The following ZNF517 variants were observed in gnomAD, a reference collection of about 807,000 sequenced individuals.
The protein encoded by ZNF517 is zinc finger protein 517.
Under a neutral mutation model 12.1 loss-of-function variants are expected in ZNF517, and 12 were observed. The observed-to-expected ratio is 0.99, with a 90% CI of 0.63 to 1.61. ZNF517 has a LOEUF of 1.61. ZNF517 is among the 40% of genes most tolerant of loss of function. The pLI is 0.00. For synonymous variants in ZNF517, 388 were observed against 310.2 expected (o/e 1.25, Z -2.63); for missense variants, 781 against 693.2 (o/e 1.13, Z -1.42).
Position 144,805,821 on chromosome 8 carries a change from C to G in ZNF517, c.275-1370C>G, listed in dbSNP as rs556095943. 1.7e-3 allele frequency among the ~76,000 whole-genome samples: 262 copies of G among 150,590 alleles called. 2 individuals are homozygous for G. The highest frequency in any genetic ancestry group is 3.2e-3 in the South Asian group (15 of 4,750). The stretch of plus-strand genomic sequence containing the variant: ...ATTTTTAATAGAGACGAGGTTTCAC[C>G]ATGTTAGCGAGGATGGTCTCGATCT... On this transcript the variant is annotated intron_variant, in intron 4 of 4. Transcript: ENST00000359971.
Position 144,807,803 on chromosome 8 carries a change from A to C in ZNF517, c.887A>C (p.Lys296Thr). Reference sequence around the variant, plus strand: ...CCCTTCGCGTGCACAGAGTGCGGCAAGGCGTTCTGCCGCAGGTTCACCCTC... The same window carrying C: ...CCCTTCGCGTGCACAGAGTGCGGCACGGCGTTCTGCCGCAGGTTCACCCTC... The part of the protein sequence containing the change: ...EKPFACTECG[K>T]AFCRRFTLNE... The change falls in exon 5 of 5, where the codon AAG (lysine) becomes ACG (threonine). Residue 296 changes from lysine (K) to threonine (T), a missense_variant. By Grantham distance (78) the Lys-to-Thr change is moderately conservative. Transcript: ENST00000359971. 1.2e-6 allele frequency: 2 copies of C among 1,611,180 alleles called. No homozygotes were observed. The highest frequency in any genetic ancestry group is 1.7e-6 in the Non-Finnish European group (2 of 1,179,026).
chr8:144,802,846 A>C, intron 1 of ZNF517, 24 bp from the exon 2 acceptor site: 1 of 1,612,300 alleles, frequency 6.2e-7, no homozygotes, highest in Non-Finnish European at 8.5e-7. Flanking sequence ...GGCTCTTTCC[A>C]CTCATGGCTC....
chr8:144,808,072 C>T lies in ZNF517; in HGVS notation c.1156C>T (p.His386Tyr). 1 of 1,610,074 alleles carries T rather than the reference C, an allele frequency of 6.2e-7. No individual in the cohort carries two copies. Among genetic ancestry groups the T allele is most frequent in the African/African-American group, 1.3e-5 (1 of 74,940 alleles). The change falls in exon 5 of 5, where the codon CAC becomes TAC. Residue 386 changes from histidine to tyrosine, a missense_variant. By Grantham distance (83) the His-to-Tyr change is moderately conservative. Transcript: ENST00000359971. ...CCGACACAACTCCCTGCTGCTGCTG[C>T]ACCTGCGCCTACACACGGGCGAGAA... is the stretch of plus-strand genomic sequence containing the variant. ...PFRHNSLLLLHLRLHTGEKPF... is the reference protein window; with the variant it reads ...PFRHNSLLLLYLRLHTGEKPF...
rs1300368622 is a variant in ZNF517, at chr8:144,809,386, A to C, written c.*991A>C. 3 of 152,144 alleles carry C rather than the reference A, an allele frequency of 2.0e-5. No homozygotes were observed. The highest frequency in any genetic ancestry group is 7.2e-5 in the African/African-American group (3 of 41,430). The allele number at this position is 152,144 out of a possible 1,614,324, so 9.4% of individuals were successfully genotyped here. ...AAGCATTGTTTCTGAGTGTGTGAGG[A>C]TGTTTTCAGTGGACTCAGTGAAGAT... is the stretch of plus-strand genomic sequence containing the variant. On this transcript the variant is annotated 3_prime_UTR_variant, in exon 5 of 5. Transcript: ENST00000359971.
rs201095849 is a variant in ZNF517, at chr8:144,803,706, C to T, written c.99C>T (p.Pro33=). 318 of 1,614,174 alleles carry T rather than the reference C, an allele frequency of 2.0e-4. No individual in the cohort carries two copies. The highest frequency in any genetic ancestry group is 2.5e-4 in the Non-Finnish European group (295 of 1,180,010). Residue 33 remains proline, a synonymous_variant, in exon 3 of 5, where the codon CCC becomes CCT. Transcript: ENST00000359971. The stretch of plus-strand genomic sequence containing the variant: ...GGATAGAGTGGAGTTGCCTGGCCCC[C>T]GACCAGCAGGCACTCTACAGGGACG... ...FTRIEWSCLA[P]DQQALYRDVM... is the part of the protein sequence containing the mutation.
rs1214189436 is a variant in ZNF517, at chr8:144,807,369, C to G, written c.453C>G (p.Pro151=). Residue 151 remains proline (P), a synonymous_variant, in exon 5 of 5, where the codon CCC becomes CCG. Transcript: ENST00000359971. ...ACGGGTCAGATAAACCCACCCACCC[C>G]CGGGCTCGGGAGCACAGCGCCTCCC... The part of the protein sequence containing the change: ...PEDGSDKPTH[P]RAREHSASPR... The G allele has an allele frequency of 6.4e-7, 1 of 1,555,430 alleles. No homozygotes were observed.
At chr8:144,812,190 T>C (rs1827578378), downstream of ZNF517, among the ~76,000 whole-genome samples, 1 of 148,060 alleles carries the variant, frequency 6.8e-6, no homozygotes, top group Non-Finnish European at 1.5e-5. Context: ...AGGTGCAGAC[T>C]GCAGAATGGA....
At position 144,807,357 on chromosome 8, in the gene ZNF517, A is replaced by G. The variant is rs1224961015; in HGVS notation, c.441A>G (p.Lys147=). 1 of 1,554,370 alleles carries G rather than the reference A, an allele frequency of 6.4e-7. No individual in the cohort carries two copies. The highest frequency in any genetic ancestry group is 8.7e-7 in the Non-Finnish European group (1 of 1,148,826). The part of the protein sequence containing the change: ...PHGGPEDGSD[K]PTHPRAREHS... ...GCGGTCCTGAGGACGGGTCAGATAAACCCACCCACCCCCGGGCTCGGGAGC... is the reference window on the plus strand; with the variant it reads ...GCGGTCCTGAGGACGGGTCAGATAAGCCCACCCACCCCCGGGCTCGGGAGC... Residue 147 remains lysine (K), a synonymous_variant, in exon 5 of 5, where the codon AAA becomes AAG. Transcript: ENST00000359971.
At chr8:144,800,975 G>A (rs569407126) in intron 1 of ZNF517, among the ~76,000 whole-genome samples, 1 of 152,236 alleles carries the variant, frequency 6.6e-6, no homozygotes, top group African/African-American at 2.4e-5. Context: ...GATTACAGGT[G>A]CGTACCAGCA....
chr8:144,808,164 G>T lies in ZNF517; in HGVS notation c.1248G>T (p.Lys416Asn), dbSNP rs1476786273. 3 of 1,611,398 alleles carry T rather than the reference G, an allele frequency of 1.9e-6. No homozygotes were observed. The highest frequency in any genetic ancestry group is 2.5e-6 in the Non-Finnish European group (3 of 1,179,076). Residue 416 changes from lysine (K) to asparagine (N), a missense_variant, in exon 5 of 5, where the codon AAG becomes AAT. Transcript: ENST00000359971. ...GRKSNLTLHQ[K>N]IHTKEKPFAC... ...AGTCCAACCTCACTCTGCACCAGAA[G>T]ATCCACACCAAGGAGAAGCCCTTCG...
rs766514576 is a variant in ZNF517 at position 144,808,088 on chromosome 8, C to A, written c.1172C>A (p.Thr391Lys). 10 of 1,611,268 alleles carry A rather than the reference C, an allele frequency of 6.2e-6. No individual in the cohort carries two copies. The Admixed American group carries it at 1.5e-4, about 24-fold the overall frequency. ...CTGCTGCTGCACCTGCGCCTACACA[C>A]GGGCGAGAAGCCGTTCGAGTGCGCG... ...SLLLLHLRLH[T>K]GEKPFECAEC... The change falls in exon 5 of 5, where the codon ACG (threonine) becomes AAG (lysine). Residue 391 changes from threonine to lysine, a missense_variant. Physicochemically the swap from Thr to Lys is moderately conservative, Grantham distance 78. Transcript: ENST00000359971.
At chr8:144,799,598 A>C (rs1278861543) in intron 1 of ZNF517, among the ~76,000 whole-genome samples, 1 of 152,142 alleles carries the variant, frequency 6.6e-6, no homozygotes, top group African/African-American at 2.4e-5. Flanking sequence ...TAAAATTGTG[A>C]GAGTTAGGGG....
downstream of ZNF517, chr8:144,810,305 A>G (rs1464902260): frequency 3.5e-6 from 2 of 570,328 alleles, no homozygotes; most frequent in African/African-American, 1.8e-5. Flanking sequence ...CTGGTGTGTC[A>G]AACTCCATGA....
rs1827458894 is a variant in ZNF517, at chr8:144,809,218, G to A, written c.*823G>A. On this transcript the variant is annotated 3_prime_UTR_variant, in exon 5 of 5. Transcript: ENST00000359971. Reference sequence around the variant, plus strand: ...CTATCTATCTCTTTTTTTGAGGCAGGATCTCTCTGTCAGCCAGCCTGGAGT... The same window carrying A: ...CTATCTATCTCTTTTTTTGAGGCAGAATCTCTCTGTCAGCCAGCCTGGAGT... 1 of 150,936 alleles carries A rather than the reference G, an allele frequency of 6.6e-6. No individual in the cohort carries two copies. Among genetic ancestry groups the A allele is most frequent in the African/African-American group, 2.5e-5 (1 of 40,696 alleles). 9.3% of individuals were successfully genotyped at this position (150,936 alleles called of 1,614,324 possible). A position where few individuals can be genotyped will look rare whatever the true frequency, so the allele number is the denominator to read the frequency against.
Position 144,803,787 on chromosome 8 carries a change from G to T in ZNF517, c.160+20G>T, listed in dbSNP as rs1478717283. 3 of 1,610,340 alleles carry T rather than the reference G, an allele frequency of 1.9e-6. No individual in the cohort carries two copies. The highest frequency in any genetic ancestry group is 1.7e-5 in the Admixed American group (1 of 59,464). ...CACTAGGTGAGGGCTTCTGCCTTTG[G>T]TCCTGGGGCCGGGAGGTGCGTCTGT... On this transcript the variant is annotated intron_variant, in intron 3 of 4. Transcript: ENST00000359971.
downstream of ZNF517, chr8:144,811,042 T>TG (rs1342255314): frequency 6.6e-6 from 1 of 152,260 alleles, no homozygotes; most frequent in Non-Finnish European, 1.5e-5. Flanking sequence ...CGTGAGGCCT[T>TG]GCGCAGGGGC....
At position 144,808,613 on chromosome 8, in the gene ZNF517, C is replaced by T; in HGVS notation, c.*218C>T. 3.7e-6 allele frequency: 2 copies of T among 546,998 alleles called. No individual in the cohort carries two copies. Among genetic ancestry groups the T allele is most frequent in the Non-Finnish European group, 5.7e-6 (2 of 353,638 alleles). 33.9% of individuals were successfully genotyped at this position (546,998 alleles called of 1,614,324 possible). ...TGGCCTCAGGAACCACTATCAGCCA[C>T]CATTTCCTGGGGCCTTCCGGAAATG... On this transcript the variant is annotated 3_prime_UTR_variant, in exon 5 of 5. Transcript: ENST00000359971.
chr8:144,801,789 T>C (rs13249442), intron 1 of ZNF517, among the ~76,000 whole-genome samples: 7,562 of 152,238 alleles, frequency 0.05, 322 homozygotes, highest in Non-Finnish European at 0.067. Flanking sequence ...CCCAGCACTT[T>C]GGGAGACCGA....
chr8:144,807,714 C>G lies in ZNF517; in HGVS notation c.798C>G (p.Cys266Trp). ...AGCGGCCCTACGCATGCGGCGAGTG[C>G]GGCAAGGCCTTCAGCCGCAGCTCCC... ...TRERPYACGE[C>W]GKAFSRSSRL... The change falls in exon 5 of 5, where the codon TGC becomes TGG. Residue 266 changes from cysteine (C) to tryptophan (W), a missense_variant. By Grantham distance (215) the Cys-to-Trp change is radical (BLOSUM62 -2). Coordinates refer to ENST00000359971, the MANE Select transcript of ZNF517 (RefSeq NM_213605.3). 1 of 1,611,584 alleles carries G rather than the reference C, an allele frequency of 6.2e-7. No homozygotes were observed. Among genetic ancestry groups the G allele is most frequent in the Non-Finnish European group, 8.5e-7 (1 of 1,179,418 alleles).
Sources: allele counts gnomAD v4.1 joint callset (sites outside exome capture counted in the v4.1 genomes callset), GRCh38; gene constraint gnomAD v4.1.1; transcripts MANE v1.5; gene names NCBI Gene and HGNC (gene_info 2026-07-23, HGNC 2026-07-21).